Variants in PDK1 observed in about 807,000 individuals in gnomAD.
The protein encoded by PDK1 is [Pyruvate dehydrogenase (acetyl-transferring)] kinase isozyme 1, mitochondrial.
A neutral mutation model predicts 54.2 loss-of-function variants in PDK1; 39 were observed. The ratio of observed to expected loss-of-function variants is 0.72; its 90% confidence interval spans 0.56 to 0.94. The LOEUF is 0.94. PDK1 is among the 40% of genes least tolerant of loss of function. The pLI is 0.00. For synonymous variants in PDK1, 221 were observed against 207.1 expected (o/e 1.07, Z -0.58); for missense variants, 552 against 566.0 (o/e 0.98, Z 0.25).
At chr2:172,622,255 CATATT>C in the PDK1 span, among the ~76,000 whole-genome samples, 4 of 124,936 alleles carry the variant, frequency 3.2e-5, no homozygotes, top group East Asian at 4.9e-4. Flanking sequence ...GTTTATATCT[CATATT>C]ATGTGAGATA....
At chr2:172,662,214 A>G in the PDK1 span, among the ~76,000 whole-genome samples, 2 of 152,146 alleles carry the variant, frequency 1.3e-5, no homozygotes, top group East Asian at 3.9e-4. Flanking sequence ...TCATGGTGGA[A>G]CTACACTCAA....
Position 172,572,368 on chromosome 2 carries a change from A to G in PDK1, c.945+1544A>G, listed in dbSNP as rs187792328. On this transcript the variant is annotated intron_variant, in intron 8 of 10. Coordinates refer to ENST00000282077, the MANE Select transcript of PDK1 (RefSeq NM_002610.5). The stretch of plus-strand genomic sequence containing the variant: ...AAAAAGGTACAATTCAGTGGAATTC[A>G]TAAGGTTATTCAAGTATTGCCGCTG... Among the ~76,000 whole-genome samples, 388 of 152,336 alleles carry G rather than the reference A, an allele frequency of 2.5e-3. 4 individuals are homozygous for G. The highest frequency in any genetic ancestry group is 8.1e-3 in the African/African-American group (335 of 41,580).
rs1174235656 is a variant in PDK1 at position 172,608,285 on chromosome 2, T to C, written c.*12316T>C. 1 of 152,262 alleles carries C rather than the reference T, an allele frequency of 6.6e-6. No individual in the cohort carries two copies. Among genetic ancestry groups the C allele is most frequent in the East Asian group, 1.9e-4 (1 of 5,198 alleles). 9.4% of individuals were successfully genotyped at this position (152,262 alleles called of 1,614,324 possible). A position where few individuals can be genotyped will look rare whatever the true frequency, so the allele number is the denominator to read the frequency against. The stretch of plus-strand genomic sequence containing the variant: ...GGCATTGATCAAAGAAAAATAAACA[T>C]ATAGAAGGAAAGAAAGGTCGTTTTA... On this transcript the variant is annotated 3_prime_UTR_variant, in exon 11 of 11. Transcript: ENST00000282077.
chr2:172,656,231 T>G, the PDK1 span, among the ~76,000 whole-genome samples: 4 of 152,226 alleles, frequency 2.6e-5, no homozygotes, highest in Admixed American at 1.3e-4. Flanking sequence ...CATATGATAG[T>G]GGCGGAATCC....
the PDK1 span, among the ~76,000 whole-genome samples, chr2:172,631,276 ATTAG>A: frequency 6.6e-6 from 1 of 152,118 alleles, no homozygotes; most frequent in Non-Finnish European, 1.5e-5. Context: ...CTATTCCACA[ATTAG>A]TTTGTTTGGC....
chr2:172,651,066 AG>A, the PDK1 span, among the ~76,000 whole-genome samples: 2 of 152,236 alleles, frequency 1.3e-5, no homozygotes, highest in Non-Finnish European at 2.9e-5. Flanking sequence ...CTGACCACAT[AG>A]TTGGAAGTAA....
chr2:172,562,863 T>A, intron 3 of PDK1: 1 of 1,501,680 alleles, frequency 6.7e-7, no homozygotes, highest in Non-Finnish European at 9.2e-7. Flanking sequence ...GTATTTGCCT[T>A]ATGCAGCTAC....
At chr2:172,712,628 G>A in the PDK1 span, among the ~76,000 whole-genome samples, 1 of 152,186 alleles carries the variant, frequency 6.6e-6, no homozygotes, top group African/African-American at 2.4e-5. Flanking sequence ...GTGGACACCC[G>A]GGAATGCAGT....
chr2:172,590,800 T>TTTTTACAGAGTGCTGATTGGTGA lies in PDK1; in HGVS notation c.1057-2135_1057-2134insTTTTACAGAGTGCTGATTGGTGA, dbSNP rs1223783912. On this transcript the variant is annotated intron_variant, in intron 9 of 10. Transcript: ENST00000282077. ...CCATTTTACAGAGTGCTGATTGGTG[T>TTTTTACAGAGTGCTGATTGGTGA]GTTTACAAACCTTTAGCTAGACACA... is the stretch of plus-strand genomic sequence containing the variant. Among the ~76,000 whole-genome samples the TTTTTACAGAGTGCTGATTGGTGA allele has an allele frequency of 2.0e-4, 19 of 94,588 alleles. 1 individual carries two copies. The highest frequency in any genetic ancestry group is 3.0e-4 in the Non-Finnish European group (15 of 49,850). The allele number at this position is 94,588 out of a possible 152,430, so 62.1% of individuals were successfully genotyped here.
chr2:172,561,512 G>A (rs1688654132), intron 2 of PDK1, among the ~76,000 whole-genome samples: 1 of 152,172 alleles, frequency 6.6e-6, no homozygotes, highest in South Asian at 2.1e-4. Flanking sequence ...TTACACTGTC[G>A]AAGAAAGTAA....
chr2:172,660,245 CTCTTTTTTTTTTTTTTT>C, the PDK1 span, among the ~76,000 whole-genome samples: 1 of 55,630 alleles, frequency 1.8e-5, no homozygotes, highest in Non-Finnish European at 3.4e-5. Flanking sequence ...CTCTCTCTCT[CTCTTTTTTTTTTTTTTT>C]TTTTTTTTTT....
chr2:172,700,331 G>A, the PDK1 span, among the ~76,000 whole-genome samples: 1 of 150,446 alleles, frequency 6.6e-6, no homozygotes, highest in East Asian at 1.9e-4. Context: ...AGACGGGGCG[G>A]CCGGGCAGAG....
chr2:172,564,256 C>A lies in PDK1; in HGVS notation c.411-247C>A, dbSNP rs138562473. ...TTTTTTGGATTACGTTTTGTGGCAG[C>A]CTTACTCTTAGGAAGCCAAGAAAAG... On this transcript the variant is annotated intron_variant, in intron 3 of 10. Coordinates refer to ENST00000282077, the MANE Select transcript of PDK1 (RefSeq NM_002610.5). 2.1e-3 allele frequency: 1,136 copies of A among 532,664 alleles called. 10 individuals carry two copies. The highest frequency in any genetic ancestry group is 0.017 in the African/African-American group (873 of 52,686). The allele number at this position is 532,664 out of a possible 1,614,324, so 33.0% of individuals were successfully genotyped here.
chr2:172,646,735 CTTTTTTT>C, the PDK1 span, among the ~76,000 whole-genome samples: 11 of 72,050 alleles, frequency 1.5e-4, no homozygotes, highest in Admixed American at 9.1e-4. Flanking sequence ...CTTGCATTTC[CTTTTTTT>C]TTTTTTTTTT....
the PDK1 span, among the ~76,000 whole-genome samples, chr2:172,628,206 A>G: frequency 6.6e-6 from 1 of 152,030 alleles, no homozygotes; most frequent in African/African-American, 2.4e-5. Context: ...TGCTTTACAA[A>G]CCCTTACCTG....
At chr2:172,556,502 T>C in intron 1 of PDK1, 156 bp downstream of exon 1, 1 of 486,484 alleles carries the variant, frequency 2.1e-6, no homozygotes, top group Non-Finnish European at 3.4e-6. Context: ...GCTTCCTTCC[T>C]CCCTCCGAAG....
the PDK1 span, among the ~76,000 whole-genome samples, chr2:172,691,091 T>G: frequency 6.7e-6 from 1 of 150,370 alleles, no homozygotes; most frequent in Non-Finnish European, 1.5e-5. Context: ...GAAGTTACCC[T>G]TGGTTTTTCT....
intron 9 of PDK1, among the ~76,000 whole-genome samples, chr2:172,591,646 C>T (rs780274463): frequency 3.9e-5 from 6 of 152,140 alleles, no homozygotes; most frequent in Non-Finnish European, 8.8e-5. Flanking sequence ...TATGGCCCTG[C>T]GCTGATGGAC....
intron 3 of PDK1, chr2:172,563,904 G>C: frequency 2.4e-6 from 1 of 416,210 alleles, no homozygotes; most frequent in South Asian, 1.8e-5. Context: ...AAGTGACAGA[G>C]ATGGGAAGAC....
Sources: gnomAD v4.1 joint callset for allele counts (sites outside exome capture counted in the v4.1 genomes callset) on GRCh38, gnomAD v4.1.1 for gene constraint, MANE v1.5 for transcripts, NCBI Gene and HGNC (gene_info 2026-07-23, HGNC 2026-07-21) for gene names.